Variants in XIRP2 observed in about 807,000 individuals in gnomAD.
The protein encoded by XIRP2 is xin actin-binding repeat-containing protein 2.
A neutral mutation model predicts 277.0 loss-of-function variants in XIRP2; 236 were observed. The ratio of observed to expected loss-of-function variants is 0.85; its 90% confidence interval spans 0.77 to 0.95. XIRP2 has a LOEUF of 0.95. Among genes scored for constraint, XIRP2 ranks in the 40% least tolerant of loss-of-function variants. The pLI is 0.00. For missense variants in XIRP2, 4,640 were observed against 4,157.5 expected, an observed-to-expected ratio of 1.12 and a Z score of -3.19; for synonymous variants, 1,490 against 1,416.5, an observed-to-expected ratio of 1.05 and a Z score of -1.17.
chr2:167,020,358 G>A (rs1196592833), intron 2 of XIRP2, among the ~76,000 whole-genome samples: 5 of 151,770 alleles, frequency 3.3e-5, no homozygotes, highest in African/African-American at 1.2e-4. Flanking sequence ...TGACTAATTA[G>A]CAGATGAAAA....
At chr2:167,119,191 G>A (rs1690980501) in intron 2 of XIRP2, among the ~76,000 whole-genome samples, 1 of 152,062 alleles carries the variant, frequency 6.6e-6, no homozygotes, top group Non-Finnish European at 1.5e-5. Flanking sequence ...TTTATGAAAA[G>A]AAGAAAAATA....
intron 2 of XIRP2, among the ~76,000 whole-genome samples, chr2:167,095,822 CTCATAAAAATGATTTAGGAGGCG>C (rs1426155842): frequency 7.3e-6 from 1 of 137,500 alleles, no homozygotes; most frequent in Non-Finnish European, 1.5e-5. Flanking sequence ...TGATGCTGGC[CTCATAAAAATGATTTAGGAGGCG>C]TCACTCTTTT....
chr2:167,181,490 GTC>G (rs756799012), intron 3 of XIRP2, among the ~76,000 whole-genome samples: 27 of 151,882 alleles, frequency 1.8e-4, no homozygotes, highest in Middle Eastern at 3.4e-3. Context: ...AATTCTTACT[GTC>G]TCTCTCTCAT....
chr2:167,137,788 A>G (rs1317434884), intron 3 of XIRP2, among the ~76,000 whole-genome samples: 1 of 152,200 alleles, frequency 6.6e-6, no homozygotes, highest in Admixed American at 6.5e-5. Flanking sequence ...GTGGATGAAC[A>G]TAGCAGCAAT....
intron 2 of XIRP2, among the ~76,000 whole-genome samples, chr2:167,098,390 G>C (rs1690382695): frequency 6.6e-6 from 1 of 152,054 alleles, no homozygotes; most frequent in South Asian, 2.1e-4. Flanking sequence ...GTGTTTTTCA[G>C]CTCCATCAGC....
chr2:166,902,533 A>C lies in XIRP2; in HGVS notation c.-18-932A>C, dbSNP rs1684409541. On this transcript the variant is annotated intron_variant, in intron 1 of 10. Coordinates refer to ENST00000409195, the MANE Select transcript of XIRP2 (RefSeq NM_152381.6). ...AAAACAAAATTTATTTTGGGTTAGA[A>C]CAGGAAGTAGCTATTTCTGTGGCAA... is the stretch of plus-strand genomic sequence containing the variant. Among the ~76,000 whole-genome samples, 3 of 152,056 alleles carry C rather than the reference A, an allele frequency of 2.0e-5. No homozygotes were observed. The South Asian group carries it at 6.2e-4, about 31-fold the overall frequency.
chr2:167,132,467 G>A (rs959078109), intron 2 of XIRP2, among the ~76,000 whole-genome samples: 17 of 151,724 alleles, frequency 1.1e-4, no homozygotes, highest in African/African-American at 3.9e-4. Context: ...GTTAGACTGC[G>A]CTTTTCACAT....
intron 2 of XIRP2, among the ~76,000 whole-genome samples, chr2:167,024,403 G>A (rs1381415278): frequency 6.6e-6 from 1 of 152,034 alleles, no homozygotes; most frequent in African/African-American, 2.4e-5. Context: ...CTGCAAACAG[G>A]GACAATTTGA....
At chr2:166,961,672 G>C (rs1010619329) in intron 2 of XIRP2, among the ~76,000 whole-genome samples, 3 of 151,754 alleles carry the variant, frequency 2.0e-5, no homozygotes, top group Non-Finnish European at 4.4e-5. Flanking sequence ...AAAAAGGACA[G>C]TGTGTCTGCC....
At chr2:167,151,032 T>A (rs1259834172) in intron 3 of XIRP2, among the ~76,000 whole-genome samples, 1 of 152,112 alleles carries the variant, frequency 6.6e-6, no homozygotes, top group Non-Finnish European at 1.5e-5. Context: ...ATCCTACAAC[T>A]TCAAAAATCC....
intron 3 of XIRP2, among the ~76,000 whole-genome samples, chr2:167,167,287 A>G (rs1194130654): frequency 6.6e-6 from 1 of 152,056 alleles, no homozygotes; most frequent in Non-Finnish European, 1.5e-5. Context: ...ATCTACTCTG[A>G]CGATCTCTGT....
rs530202421 is a variant in XIRP2 at position 167,163,019 on chromosome 2, C to T, written c.562+26957C>T. On this transcript the variant is annotated intron_variant, in intron 3 of 10. Coordinates refer to ENST00000409195, the MANE Select transcript of XIRP2 (RefSeq NM_152381.6). Reference sequence around the variant, plus strand: ...ATATCAGAAGGTTTTTCTCCCCTTTCTTATTGATGATTAGTATTCCATTAT... The same window carrying T: ...ATATCAGAAGGTTTTTCTCCCCTTTTTTATTGATGATTAGTATTCCATTAT... Among the ~76,000 whole-genome samples, 21 of 152,232 alleles carry T rather than the reference C, an allele frequency of 1.4e-4. No individual in the cohort carries two copies. The South Asian group carries it at 4.3e-3, about 32-fold the overall frequency.
At chr2:166,946,092 GAGA>G (rs1248526128) in intron 2 of XIRP2, among the ~76,000 whole-genome samples, 5 of 151,376 alleles carry the variant, frequency 3.3e-5, no homozygotes, top group Non-Finnish European at 7.4e-5. Flanking sequence ...TCTCACAGAT[GAGA>G]AGATCTTCAT....
Position 167,213,946 on chromosome 2 carries a change from C to T in XIRP2, c.723+3051C>T, listed in dbSNP as rs949652013. ...TAGTACTACTATTAAAAATAATCCG[C>T]GGTGGCTCACCCCTGTAATCCTAGC... On this transcript the variant is annotated intron_variant, in intron 4 of 10. Coordinates refer to ENST00000409195, the MANE Select transcript of XIRP2 (RefSeq NM_152381.6). 3.3e-5 allele frequency among the ~76,000 whole-genome samples: 5 copies of T among 151,854 alleles called. No homozygotes were observed. The East Asian group carries it at 5.8e-4, about 18-fold the overall frequency.
At chr2:166,939,673 C>T (rs2105379846) in intron 2 of XIRP2, among the ~76,000 whole-genome samples, 1 of 113,530 alleles carries the variant, frequency 8.8e-6, no homozygotes, top group South Asian at 2.8e-4. Flanking sequence ...GAGCAAGACT[C>T]CATCACAAAA....
chr2:167,122,787 C>T (rs1691093256), intron 2 of XIRP2, among the ~76,000 whole-genome samples: 1 of 152,156 alleles, frequency 6.6e-6, no homozygotes, highest in South Asian at 2.1e-4. Flanking sequence ...ATAGGTACAT[C>T]ACATTGAACA....
intron 2 of XIRP2, among the ~76,000 whole-genome samples, chr2:166,948,907 A>G (rs574173518): frequency 5.9e-5 from 9 of 152,192 alleles, no homozygotes; most frequent in African/African-American, 2.2e-4. Context: ...CAAATTATAT[A>G]TAAAACTAGT....
rs116081028 is a variant in XIRP2, at chr2:166,996,818, T to C, written c.408+92928T>C. Among the ~76,000 whole-genome samples, 1,058 of 152,206 alleles carry C rather than the reference T, an allele frequency of 7.0e-3. 9 individuals carry two copies. The highest frequency in any genetic ancestry group is 8.6e-3 in the Non-Finnish European group (587 of 68,008). On this transcript the variant is annotated intron_variant, in intron 2 of 10. Coordinates refer to ENST00000409195, the MANE Select transcript of XIRP2 (RefSeq NM_152381.6). ...CAACACACACACATAAACTCACCTC[T>C]CAAATTTAGGAACTCACTCAATCTT...
chr2:166,922,425 G>T (rs1436289397), intron 2 of XIRP2, among the ~76,000 whole-genome samples: 1 of 152,052 alleles, frequency 6.6e-6, no homozygotes, highest in Non-Finnish European at 1.5e-5. Flanking sequence ...TTTTGCAGCA[G>T]TGCCTCAAAG....
Sources: gnomAD v4.1 joint callset for allele counts (sites outside exome capture counted in the v4.1 genomes callset) on GRCh38, gnomAD v4.1.1 for gene constraint, MANE v1.5 for transcripts, NCBI Gene and HGNC (gene_info 2026-07-23, HGNC 2026-07-21) for gene names.